Variants in PI4KA observed in about 807,000 individuals in gnomAD.
The protein encoded by PI4KA is PI4-kinase alpha.
A neutral mutation model predicts 271.4 loss-of-function variants in PI4KA; 122 were observed. The ratio of observed to expected loss-of-function variants is 0.45; its 90% CI spans 0.39 to 0.52. The LOEUF (loss-of-function observed/expected upper bound fraction) is 0.52, where lower values mean the gene tolerates loss of function less well. PI4KA is among the 20% of genes least tolerant of loss of function. PI4KA has a pLI of 0.00. For synonymous variants in PI4KA, 1,041 were observed against 1,078.8 expected, an observed-to-expected ratio of 0.96 and a Z score of 0.69; for missense variants, 1,969 against 2,769.1, an observed-to-expected ratio of 0.71 and a Z score of 6.48.
chr22:20,807,128 G>C (rs944187669), intron 10 of PI4KA, among the ~76,000 whole-genome samples: 1 of 152,162 alleles, frequency 6.6e-6, no homozygotes, highest in African/African-American at 2.4e-5. Flanking sequence ...AAACACCTTA[G>C]GAAATAAACT....
At position 20,809,868 on chromosome 22, in the gene PI4KA, G is replaced by C. The variant is rs558479091; in HGVS notation, c.1071+1099C>G. Among the ~76,000 whole-genome samples the C allele has an allele frequency of 6.6e-5, 10 of 152,276 alleles. No homozygotes were observed. In the South Asian group the frequency reaches 2.1e-3, roughly 32 times the overall value. On this transcript the variant is annotated intron_variant, in intron 9 of 54. Transcript: ENST00000255882. ...CGGCCAGCACATACATCTCACATCT[G>C]CAATAGCTCGTTGGCAGGGGTACGA...
At chr22:20,751,612 G>A in intron 26 of PI4KA, 62 bp downstream of exon 26, 1 of 1,361,804 alleles carries the variant, frequency 7.3e-7, no homozygotes, top group Non-Finnish European at 1.1e-6. Flanking sequence ...GGGCGGACAG[G>A]GCCGGCGGGG....
intron 32 of PI4KA, among the ~76,000 whole-genome samples, chr22:20,738,857 T>C (rs1038251734): frequency 1.9e-4 from 29 of 151,448 alleles, no homozygotes; most frequent in Non-Finnish European, 3.5e-4. Context: ...GAAGAACCCA[T>C]ACTTCCTGCC....
chr22:20,734,674 G>C, intron 32 of PI4KA, 121 bp from the exon 33 acceptor site: 1 of 1,070,020 alleles, frequency 9.3e-7, no homozygotes, highest in Non-Finnish European at 1.4e-6. Context: ...ACCAAGAAAA[G>C]TATGAAGAAA....
intron 36 of PI4KA, 151 bp downstream of exon 36, chr22:20,732,820 G>A (rs1262433696): frequency 8.5e-6 from 6 of 705,206 alleles, no homozygotes; most frequent in Admixed American, 2.6e-5. Flanking sequence ...GGCATGCACC[G>A]GCCTCCAATG....
rs1569110226 is a variant in PI4KA, at chr22:20,858,704, CCCGGGCCGGG to C, written c.12_21del (p.Pro5GlufsTer63). 1 of 1,462,006 alleles carries C rather than the reference CCCGGGCCGGG, an allele frequency of 6.8e-7. No homozygotes were observed. The highest frequency in any genetic ancestry group is 2.4e-5 in the Admixed American group (1 of 41,468). The allele number at this position is 1,462,006 out of a possible 1,614,324, so 90.6% of individuals were successfully genotyped here. On this transcript the variant is annotated frameshift_variant, in exon 1 of 55. Transcript: ENST00000255882. LOFTEE classifies it high-confidence loss of function. ...CCGCCTCCGCCTCCGCCTCCGCCTC[CCCGGGCCGGG>C]GCCGCCGCCATCACCTCACGAGCCG...
chr22:20,798,789 C>A, intron 16 of PI4KA, 102 bp from the exon 17 acceptor site: 1 of 807,930 alleles, frequency 1.2e-6, no homozygotes. Flanking sequence ...GGCACAACAG[C>A]CCAAAGACTA....
chr22:20,852,365 G>C (rs942467835), intron 1 of PI4KA, among the ~76,000 whole-genome samples: 5 of 152,146 alleles, frequency 3.3e-5, no homozygotes, highest in Admixed American at 3.3e-4. Context: ...GGCACTGAGG[G>C]AAGGCTACGT....
chr22:20,773,818 G>T (rs1451844316), intron 19 of PI4KA: 1 of 152,472 alleles, frequency 6.6e-6, no homozygotes, highest in Non-Finnish European at 1.5e-5. Flanking sequence ...GGTCCCCAGA[G>T]GCCTGAAGAG....
chr22:20,813,390 G>A lies in PI4KA; in HGVS notation c.973C>T (p.Pro325Ser), dbSNP rs1242346793. 1.2e-6 allele frequency: 2 copies of A among 1,613,506 alleles called. No homozygotes were observed. Among genetic ancestry groups the A allele is most frequent in the African/African-American group, 2.7e-5 (2 of 74,898 alleles). ...NGVTYKEFNI[P>S]LEMLRELLNL... Reference sequence around the variant, plus strand: ...AAGAGTTCCCGAAGCATTTCCAATGGAATGTTAAACTCCTTATATGTGACA... The same window carrying A: ...AAGAGTTCCCGAAGCATTTCCAATGAAATGTTAAACTCCTTATATGTGACA... Residue 325 changes from proline to serine, a missense_variant, in exon 8 of 55, where the codon CCA (proline) becomes TCA (serine). Around this residue, in one of 13 missense-constraint regions of PI4KA, gnomAD observed 540 missense variants for 555.5 expected, o/e 0.97. Transcript: ENST00000255882.
chr22:20,791,011 G>A (rs1013631466), intron 19 of PI4KA, among the ~76,000 whole-genome samples: 41 of 152,204 alleles, frequency 2.7e-4, no homozygotes, highest in Middle Eastern at 3.4e-3. Flanking sequence ...CCAGCAGCCC[G>A]GAGAGGCGCA....
chr22:20,756,128 G>A (rs1049899190), intron 23 of PI4KA, among the ~76,000 whole-genome samples: 1 of 152,082 alleles, frequency 6.6e-6, no homozygotes. Flanking sequence ...ATGCTCAAGG[G>A]TAGTGAGAGG....
rs59577945 is a variant in PI4KA, at chr22:20,752,527, G to T, written c.2987+376C>A. ...AACAAAGAGTATACAGCACAGAAGGGTCTGTGTGGGCTTTTGTTCCTGAGA... is the reference window on the plus strand; with the variant it reads ...AACAAAGAGTATACAGCACAGAAGGTTCTGTGTGGGCTTTTGTTCCTGAGA... On this transcript the variant is annotated intron_variant, in intron 25 of 54. Coordinates refer to ENST00000255882, the MANE Select transcript of PI4KA (RefSeq NM_058004.4). Among the ~76,000 whole-genome samples the T allele has an allele frequency of 1.8e-3, 278 of 152,284 alleles. 6 individuals carry two copies. The East Asian group carries it at 0.045, about 25-fold the overall frequency.
At chr22:20,772,214 G>C (rs165920) in intron 19 of PI4KA, among the ~76,000 whole-genome samples, 68,479 of 152,138 alleles carry the variant, frequency 0.45, 15,894 homozygotes, top group African/African-American at 0.55. Context: ...GGAGGCCAAG[G>C]GGCAATTTCA....
intron 17 of PI4KA, among the ~76,000 whole-genome samples, chr22:20,797,834 C>T (rs1935072848): frequency 2.6e-5 from 4 of 152,182 alleles, no homozygotes; most frequent in African/African-American, 9.6e-5. Context: ...AGGGAGGAGC[C>T]CGGAGGTCAA....
In PI4KA at chr22:20,799,085, T is replaced by C. The variant is rs746339778; in HGVS notation, c.2004+8A>G. 2 of 1,612,060 alleles carry C rather than the reference T, an allele frequency of 1.2e-6. No individual in the cohort carries two copies. Among genetic ancestry groups the C allele is most frequent in the African/African-American group, 2.7e-5 (2 of 74,860 alleles). On this transcript the variant is annotated splice_region_variant and intron_variant, in intron 16 of 54. Transcript: ENST00000255882. ...GGTTAGTGGTGTTCTGGCTCTGGCC[T>C]CCCTTACATTTCCGGTGATAACCAG...
intron 10 of PI4KA, among the ~76,000 whole-genome samples, chr22:20,806,743 GTTTTTGAGATGGAGTCTTACT>G (rs1467960442): frequency 6.6e-6 from 1 of 151,646 alleles, no homozygotes; most frequent in Non-Finnish European, 1.5e-5. Context: ...TTTTTTTAAT[GTTTTTGAGATGGAGTCTTACT>G]CTGTCACATA....
chr22:20,746,101 T>C lies in PI4KA; in HGVS notation c.3364-1381A>G, dbSNP rs571036590. Among the ~76,000 whole-genome samples, 124 of 134,596 alleles carry C rather than the reference T, an allele frequency of 9.2e-4. 1 individual carries two copies. Among genetic ancestry groups the C allele is most frequent in the African/African-American group, 2.9e-3 (100 of 34,924 alleles). 88.3% of individuals were successfully genotyped at this position (134,596 alleles called of 152,430 possible). ...TTTTTGAGATGGAGTCTTGCTCTGTTGCCCAGGCTGGAGTGCAGTGGCGGG... is the reference window on the plus strand; with the variant it reads ...TTTTTGAGATGGAGTCTTGCTCTGTCGCCCAGGCTGGAGTGCAGTGGCGGG... On this transcript the variant is annotated intron_variant, in intron 29 of 54. Coordinates refer to ENST00000255882, the MANE Select transcript of PI4KA (RefSeq NM_058004.4).
At chr22:20,833,704 A>C (rs1254626276) in intron 3 of PI4KA, among the ~76,000 whole-genome samples, 2 of 128,324 alleles carry the variant, frequency 1.6e-5, no homozygotes, top group Non-Finnish European at 3.1e-5. Flanking sequence ...GCTGTCGCCC[A>C]GGCTGGAGTG....
Sources: allele counts gnomAD v4.1 joint callset (sites outside exome capture counted in the v4.1 genomes callset), GRCh38; gene constraint gnomAD v4.1.1; regional missense constraint gnomAD v4.1.1; transcripts MANE v1.5; gene names NCBI Gene and HGNC (gene_info 2026-07-23, HGNC 2026-07-21).